The following CEP152 variants were observed in gnomAD, a reference collection of about 807,000 sequenced individuals.
The protein encoded by CEP152 is centrosomal protein of 152 kDa.
CEP152 carries 132 observed loss-of-function variants against 188.9 expected under a neutral mutation model. The observed-to-expected ratio is 0.70, with a 90% confidence interval of 0.61 to 0.81. The LOEUF is 0.81. Among genes scored for constraint, CEP152 ranks in the 30% least tolerant of loss-of-function variants. The pLI is 0.00. For missense variants in CEP152, 1,914 were observed against 1,969.8 expected, an observed-to-expected ratio of 0.97 and a Z score of 0.54; for synonymous variants, 649 against 666.6, an observed-to-expected ratio of 0.97 and a Z score of 0.41.
chr15:48,733,837 T>C (rs1892505035), downstream of CEP152, among the ~76,000 whole-genome samples: 1 of 152,126 alleles, frequency 6.6e-6, no homozygotes, highest in African/African-American at 2.4e-5. Context: ...GTGGTGACCA[T>C]AAGGCAGTGG....
At chr15:48,744,060 G>A (rs1204428828) in intron 24 of CEP152, among the ~76,000 whole-genome samples, 180 bp downstream of exon 24, 1 of 152,034 alleles carries the variant, frequency 6.6e-6, no homozygotes, top group African/African-American at 2.4e-5. Context: ...TATTATTTGG[G>A]AAAAATGATC....
chr15:48,805,552 T>TTTAA lies in CEP152; in HGVS notation c.87+10_87+11insTTAA, dbSNP rs760255612. The TTTAA allele has an allele frequency of 1.3e-6, 2 of 1,587,472 alleles. No homozygotes were observed. Among genetic ancestry groups the TTTAA allele is most frequent in the Non-Finnish European group, 1.7e-6 (2 of 1,171,820 alleles). ...TAGTGTCTCTTTTTTTTTTTTTTTT[T>TTTAA]AACAACTTACCTCTTTCTCTCTTTC... On this transcript the variant is annotated intron_variant, in intron 2 of 26. Coordinates refer to ENST00000380950, the MANE Select transcript of CEP152 (RefSeq NM_001194998.2).
intron 26 of CEP152, among the ~76,000 whole-genome samples, 198 bp from the exon 27 acceptor site, chr15:48,739,486 A>G (rs1892809154): frequency 6.6e-6 from 1 of 152,238 alleles, no homozygotes; most frequent in African/African-American, 2.4e-5. Flanking sequence ...ATATTCTTTT[A>G]CATATATCCA....
intron 22 of CEP152, among the ~76,000 whole-genome samples, chr15:48,745,942 A>G (rs1893381029): frequency 6.6e-6 from 1 of 152,186 alleles, no homozygotes; most frequent in African/African-American, 2.4e-5. Flanking sequence ...AAATGTGAAC[A>G]TGGCATCTCG....
At chr15:48,797,202 C>T in intron 5 of CEP152, 99 bp downstream of exon 5, 1 of 1,373,908 alleles carries the variant, frequency 7.3e-7, no homozygotes, top group Non-Finnish European at 1.0e-6. Context: ...GTTAAATCAT[C>T]TTACCATTGT....
chr15:48,735,850 G>T (rs562403305), downstream of CEP152, among the ~76,000 whole-genome samples: 2 of 152,044 alleles, frequency 1.3e-5, no homozygotes, highest in South Asian at 4.2e-4. Context: ...GAAAAGAGAA[G>T]AACCCAAAAG....
Position 48,752,360 on chromosome 15 carries a change from T to A in CEP152, c.3455A>T (p.Glu1152Val), listed in dbSNP as rs1280176034. The A allele has an allele frequency of 6.2e-6, 10 of 1,613,956 alleles. No homozygotes were observed. The highest frequency in any genetic ancestry group is 1.3e-5 in the African/African-American group (1 of 74,914). ...CAAAATCCAATTACCAGCTTCTGCTTCTGTTGCTTGTAAGGCCAAGGGCTG... is the reference window on the plus strand; with the variant it reads ...CAAAATCCAATTACCAGCTTCTGCTACTGTTGCTTGTAAGGCCAAGGGCTG... Reference protein sequence around the residue: ...HAQPLALQATEAEADKKKVLE... With the variant: ...HAQPLALQATVAEADKKKVLE... Residue 1152 changes from glutamate to valine, a missense_variant, in exon 21 of 27, where the codon GAA becomes GTA. By Grantham distance (121) the Glu-to-Val change is moderately radical. Transcript: ENST00000380950.
At chr15:48,754,707 A>C (rs767320888) in intron 20 of CEP152, among the ~76,000 whole-genome samples, 6 of 152,182 alleles carry the variant, frequency 3.9e-5, no homozygotes, top group Non-Finnish European at 7.4e-5. Flanking sequence ...CTAAAATTCT[A>C]TACTGTTTCA....
At chr15:48,808,754 A>G (rs988890208) in intron 1 of CEP152, among the ~76,000 whole-genome samples, 10 of 152,182 alleles carry the variant, frequency 6.6e-5, no homozygotes, top group Admixed American at 3.3e-4. Context: ...AACTATCAAT[A>G]TTAATATATT....
intron 3 of CEP152, 103 bp from the exon 4 acceptor site, chr15:48,797,833 C>A: frequency 6.6e-7 from 1 of 1,516,214 alleles, no homozygotes; most frequent in Non-Finnish European, 9.1e-7. Flanking sequence ...CAATCTTCAC[C>A]CAAAATTTTA....
At position 48,793,476 on chromosome 15, in the gene CEP152, C is replaced by A. The variant is rs1897113056; in HGVS notation, c.692-15G>T. On this transcript the variant is annotated splice_polypyrimidine_tract_variant and intron_variant, in intron 6 of 26. Coordinates refer to ENST00000380950, the MANE Select transcript of CEP152 (RefSeq NM_001194998.2). ...TTCTGCAGAGTCTGGGAATTAAAGA[C>A]AATTTATTAGATAAAAACATACCAA... 2 of 1,607,424 alleles carry A rather than the reference C, an allele frequency of 1.2e-6. No individual in the cohort carries two copies.
intron 26 of CEP152, chr15:48,740,989 CAT>C (rs1283249021): frequency 1.0e-6 from 1 of 960,774 alleles, no homozygotes; most frequent in Non-Finnish European, 1.2e-6. Context: ...ATATCACCCT[CAT>C]ATGTGGAACA....
At chr15:48,781,047 A>G in intron 12 of CEP152, 149 bp downstream of exon 12, 2 of 696,714 alleles carry the variant, frequency 2.9e-6, no homozygotes, top group Admixed American at 5.2e-5. Context: ...TATTTTTTAT[A>G]CTATCACTGA....
At chr15:48,767,496 A>G (rs1895216854) in intron 15 of CEP152, 33 bp from the exon 16 acceptor site, 1 of 1,613,796 alleles carries the variant, frequency 6.2e-7, no homozygotes, top group South Asian at 1.1e-5. Flanking sequence ...GGCAATGCCC[A>G]GTCTCACTAC....
At chr15:48,739,587 A>C (rs1892815520) in intron 26 of CEP152, among the ~76,000 whole-genome samples, 1 of 152,190 alleles carries the variant, frequency 6.6e-6, no homozygotes, top group East Asian at 1.9e-4. Flanking sequence ...AATAGATGTT[A>C]TAGCAATTTC....
intron 1 of CEP152, among the ~76,000 whole-genome samples, chr15:48,809,686 C>T (rs980932778): frequency 9.2e-5 from 14 of 152,158 alleles, no homozygotes; most frequent in African/African-American, 3.4e-4. Context: ...ATAATACCTA[C>T]TTCAAAGATT....
Position 48,772,529 on chromosome 15 carries a change from A to C in CEP152, c.1740T>G (p.Asp580Glu). The C allele has an allele frequency of 2.5e-6, 4 of 1,613,620 alleles. No homozygotes were observed. The highest frequency in any genetic ancestry group is 3.4e-6 in the Non-Finnish European group (4 of 1,180,008). The part of the protein sequence containing the change: ...DLKDCHKKIE[D>E]LHQVKKDEKS... ...TTTCATCCTTCTTCACTTGGTGGAG[A>C]TCTTCAATTTTCTTATGACAGTCTT... The change falls in exon 13 of 27, where the codon GAT becomes GAG. Residue 580 changes from aspartate to glutamate, a missense_variant. Coordinates refer to ENST00000380950, the MANE Select transcript of CEP152 (RefSeq NM_001194998.2).
rs376526107 is a variant in CEP152, at chr15:48,781,366, C to T, written c.1414-7G>A. On this transcript the variant is annotated splice_polypyrimidine_tract_variant and splice_region_variant and intron_variant, in intron 11 of 26. Coordinates refer to ENST00000380950, the MANE Select transcript of CEP152 (RefSeq NM_001194998.2). Reference sequence around the variant, plus strand: ...TTAGTTCTGTTAATTCTTCCTACAACACAAAATTATTAAAAATAATTTTCA... The same window carrying T: ...TTAGTTCTGTTAATTCTTCCTACAATACAAAATTATTAAAAATAATTTTCA... 7 of 1,580,508 alleles carry T rather than the reference C, an allele frequency of 4.4e-6. No individual in the cohort carries two copies. The East Asian group carries it at 1.6e-4, about 35-fold the overall frequency.
At chr15:48,753,833 T>C (rs944125127) in intron 20 of CEP152, among the ~76,000 whole-genome samples, 1 of 152,250 alleles carries the variant, frequency 6.6e-6, no homozygotes, top group Non-Finnish European at 1.5e-5. Context: ...GCATTCATTT[T>C]CTTGAAAGCT....
Sources: gnomAD v4.1 joint callset for allele counts (sites outside exome capture counted in the v4.1 genomes callset) on GRCh38, gnomAD v4.1.1 for gene constraint, MANE v1.5 for transcripts, NCBI Gene and HGNC (gene_info 2026-07-23, HGNC 2026-07-21) for gene names.